The following EMILIN2 variants were observed in gnomAD, a reference collection of about 807,000 sequenced individuals.
EMILIN2 encodes the protein EMILIN-2.
EMILIN2 carries 71 observed loss-of-function variants against 87.1 expected under a neutral mutation model. That is an observed-to-expected ratio of 0.82 (90% CI 0.67 to 0.99). EMILIN2 has a LOEUF of 0.99. EMILIN2 is among the 50% of genes least tolerant of loss of function. EMILIN2 has a pLI of 0.00. For synonymous variants in EMILIN2, 581 were observed against 563.4 expected, an observed-to-expected ratio of 1.03 and a Z score of -0.44; for missense variants, 1,407 against 1,371.8, an observed-to-expected ratio of 1.03 and a Z score of -0.40.
chr18:2,861,709 G>A (rs1392401296), intron 2 of EMILIN2, among the ~76,000 whole-genome samples: 4 of 152,080 alleles, frequency 2.6e-5, no homozygotes, highest in Admixed American at 6.6e-5. Context: ...TTGACTTGGC[G>A]ATGCAGGCTC....
chr18:2,910,228 G>A (rs554971441), intron 7 of EMILIN2, among the ~76,000 whole-genome samples: 21 of 152,136 alleles, frequency 1.4e-4, no homozygotes, highest in South Asian at 2.1e-4. Flanking sequence ...CAGGACAAGC[G>A]GGAGGCTCCC....
At chr18:2,896,916 C>T (rs918320126) in intron 4 of EMILIN2, among the ~76,000 whole-genome samples, 50 of 152,090 alleles carry the variant, frequency 3.3e-4, no homozygotes, top group African/African-American at 1.2e-3. Context: ...ACGGGTGTAT[C>T]GCTTGAGCCC....
chr18:2,893,499 AC>A (rs1337409903), intron 4 of EMILIN2, among the ~76,000 whole-genome samples: 2 of 152,208 alleles, frequency 1.3e-5, no homozygotes, highest in Admixed American at 6.5e-5. Flanking sequence ...TAGGCACTCA[AC>A]AAATGTTTGT....
At chr18:2,892,556 TTTTG>T (rs2076844369) in intron 4 of EMILIN2, 70 bp downstream of exon 4, 2 of 1,493,920 alleles carry the variant, frequency 1.3e-6, no homozygotes, top group Admixed American at 2.2e-5. Context: ...AAAAATAATT[TTTTG>T]TTCATTTTTG....
At chr18:2,863,019 A>G (rs762124475) in intron 2 of EMILIN2, among the ~76,000 whole-genome samples, 1 of 152,176 alleles carries the variant, frequency 6.6e-6, no homozygotes, top group Non-Finnish European at 1.5e-5. Context: ...AGAGATGTTT[A>G]TAGTATTCTC....
chr18:2,873,622 G>T (rs1337728185), intron 2 of EMILIN2, among the ~76,000 whole-genome samples: 2 of 146,758 alleles, frequency 1.4e-5, no homozygotes, highest in Non-Finnish European at 3.0e-5. Context: ...CAGGAGAATG[G>T]CGTGAACCCG....
At chr18:2,888,714 CAAAA>C (rs530260960) in intron 3 of EMILIN2, among the ~76,000 whole-genome samples, 5 of 82,024 alleles carry the variant, frequency 6.1e-5, no homozygotes, top group African/African-American at 1.2e-4. Flanking sequence ...GATTCTGTCT[CAAAA>C]AAAAAAAAAA....
At chr18:2,905,157 T>C (rs1250366097) in intron 4 of EMILIN2, among the ~76,000 whole-genome samples, 1 of 152,066 alleles carries the variant, frequency 6.6e-6, no homozygotes, top group East Asian at 1.9e-4. Context: ...GAATTAGCTC[T>C]GTATCATCCT....
rs762096375 is a variant in EMILIN2 at position 2,848,916 on chromosome 18, G to A, written c.257+985G>A. Among the ~76,000 whole-genome samples, 4 of 152,192 alleles carry A rather than the reference G, an allele frequency of 2.6e-5. No homozygotes were observed. The highest frequency in any genetic ancestry group is 5.9e-5 in the Non-Finnish European group (4 of 68,038). Reference sequence around the variant, plus strand: ...AACCTTATTCCAGAGAACAGTAGATGAGCCTGTAGTCTTATGGGAAGTGGT... The same window carrying A: ...AACCTTATTCCAGAGAACAGTAGATAAGCCTGTAGTCTTATGGGAAGTGGT... On this transcript the variant is annotated intron_variant, in intron 2 of 7. Transcript: ENST00000254528. This position sits in a 1 kb window ranked among gnomAD's most constrained non-coding sequence, Gnocchi z 4.1.
At chr18:2,876,744 A>C (rs554430628) in intron 2 of EMILIN2, among the ~76,000 whole-genome samples, 33 of 152,224 alleles carry the variant, frequency 2.2e-4, no homozygotes, top group East Asian at 3.9e-4. Flanking sequence ...CCAGCCTGGG[A>C]GACAGAGTGA....
At chr18:2,858,567 A>ACG (rs2076642222) in intron 2 of EMILIN2, among the ~76,000 whole-genome samples, 1 of 58,814 alleles carries the variant, frequency 1.7e-5, no homozygotes, top group Admixed American at 2.3e-4. Flanking sequence ...ATATATATAT[A>ACG]TATGTGTGTG....
intron 3 of EMILIN2, among the ~76,000 whole-genome samples, chr18:2,887,495 G>T (rs933231534): frequency 1.7e-5 from 1 of 58,200 alleles, no homozygotes. Context: ...TTCTTGCTCT[G>T]TTAGTACACG....
chr18:2,876,495 G>A lies in EMILIN2; in HGVS notation c.258-8469G>A, dbSNP rs993738145. Among the ~76,000 whole-genome samples, 11 of 149,164 alleles carry A rather than the reference G, an allele frequency of 7.4e-5. 1 individual carries two copies. Among genetic ancestry groups the A allele is most frequent in the African/African-American group, 1.5e-4 (6 of 40,594 alleles). ...AAAATACGTACAAAGCACCAGGCGC[G>A]GTGGCTCACGCCTGTAATCCCAGCA... On this transcript the variant is annotated intron_variant, in intron 2 of 7. Coordinates refer to ENST00000254528, the MANE Select transcript of EMILIN2 (RefSeq NM_032048.3).
rs1467148276 is a variant in EMILIN2 at position 2,891,638 on chromosome 18, T to G, written c.1511T>G (p.Val504Gly). 6.2e-7 allele frequency: 1 copy of G among 1,614,044 alleles called. No individual in the cohort carries two copies. The highest frequency in any genetic ancestry group is 8.5e-7 in the Non-Finnish European group (1 of 1,180,018). Residue 504 changes from valine (V) to glycine (G), a missense_variant, in exon 4 of 8, where the codon GTT becomes GGT. By Grantham distance (109) the Val-to-Gly change is moderately radical. Transcript: ENST00000254528. This position sits in a 1 kb window ranked among gnomAD's most constrained non-coding sequence, Gnocchi z 4.6. ...TCTCTGGAAGACCGTCTGGGGAGCG[T>G]TCTCCTACAGATGACCAATAACACT... ...IQSLEDRLGS[V>G]LLQMTNNTGA...
rs1209267047 is a variant in EMILIN2, at chr18:2,915,193, T to G, written c.*1789T>G. 6.6e-6 allele frequency: 1 copy of G among 152,286 alleles called. No homozygotes were observed. Among genetic ancestry groups the G allele is most frequent in the Non-Finnish European group, 1.5e-5 (1 of 68,074 alleles). The allele number at this position is 152,286 out of a possible 1,614,324, so 9.4% of individuals were successfully genotyped here. A position where few individuals can be genotyped will look rare whatever the true frequency, so the allele number is the denominator to read the frequency against. On this transcript the variant is annotated 3_prime_UTR_variant, in exon 8 of 8. Transcript: ENST00000254528. The stretch of plus-strand genomic sequence containing the variant: ...TGGAACATCGGGTAAAACCCAGTCC[T>G]CCTCTCAGTGCATCTCTACTCACCA...
intron 7 of EMILIN2, among the ~76,000 whole-genome samples, chr18:2,911,181 A>G (rs2076939049): frequency 6.6e-6 from 1 of 152,232 alleles, no homozygotes; most frequent in Admixed American, 6.5e-5. Context: ...GCGGTCTGAC[A>G]GGTGACTTGG....
chr18:2,890,996 A>G lies in EMILIN2; in HGVS notation c.869A>G (p.Tyr290Cys), dbSNP rs764127688. The G allele has an allele frequency of 6.2e-7, 1 of 1,614,116 alleles. No individual in the cohort carries two copies. The highest frequency in any genetic ancestry group is 1.3e-5 in the African/African-American group (1 of 74,958). Residue 290 changes from tyrosine (Y) to cysteine (C), a missense_variant, in exon 4 of 8, where the codon TAC becomes TGC. By Grantham distance (194) the Tyr-to-Cys change is radical. Coordinates refer to ENST00000254528, the MANE Select transcript of EMILIN2 (RefSeq NM_032048.3). This position sits in a 1 kb window ranked among gnomAD's most constrained non-coding sequence, Gnocchi z 4.7. ...LEELDGKVKG[Y>C]EGQLRQLQEA... ...GAGCTGGATGGAAAAGTGAAGGGCT[A>G]CGAAGGGCAGCTCAGACAGCTCCAG...
Position 2,915,306 on chromosome 18 carries a change from A to G in EMILIN2, c.*1902A>G, listed in dbSNP as rs2076961933. 1.3e-5 allele frequency: 2 copies of G among 152,262 alleles called. No individual in the cohort carries two copies. Among genetic ancestry groups the G allele is most frequent in the Non-Finnish European group, 2.9e-5 (2 of 68,078 alleles). 9.4% of individuals were successfully genotyped at this position (152,262 alleles called of 1,614,324 possible). Reference sequence around the variant, plus strand: ...CTGGAGCGTGCCTCTACTTTGAGATAAAGCTGGATGACAGGTGGATCCTGG... The same window carrying G: ...CTGGAGCGTGCCTCTACTTTGAGATGAAGCTGGATGACAGGTGGATCCTGG... On this transcript the variant is annotated 3_prime_UTR_variant, in exon 8 of 8. Coordinates refer to ENST00000254528, the MANE Select transcript of EMILIN2 (RefSeq NM_032048.3).
upstream of EMILIN2, chr18:2,846,852 G>A (rs927266137): frequency 2.0e-6 from 2 of 985,378 alleles, no homozygotes; most frequent in Non-Finnish European, 2.4e-6. This position sits in a 1 kb window ranked among gnomAD's most constrained non-coding sequence, Gnocchi z 5.3. Context: ...TCCACCCCGA[G>A]CCCCCTGCCG....
Sources: gnomAD v4.1 joint callset for allele counts (sites outside exome capture counted in the v4.1 genomes callset) on GRCh38, gnomAD v4.1.1 for gene constraint, Gnocchi (gnomAD v3.1) non-coding constraint, MANE v1.5 for transcripts, NCBI Gene and HGNC (gene_info 2026-07-23, HGNC 2026-07-21) for gene names.